Variants in NTF3 observed in about 807,000 individuals in gnomAD.
NTF3 encodes the protein neurotrophin 3.
A neutral mutation model predicts 26.3 loss-of-function variants in NTF3; 8 were observed. The observed-to-expected ratio is 0.30, with a 90% CI of 0.18 to 0.55. NTF3 has a LOEUF of 0.55. Among genes scored for constraint, NTF3 ranks in the 20% least tolerant of loss-of-function variants. NTF3 has a pLI of 0.93. For missense variants in NTF3, 276 were observed against 352.9 expected (o/e 0.78, Z 1.75); for synonymous variants, 154 against 145.5 (o/e 1.06, Z -0.42).
At chr12:5,452,240 C>T (rs1056576673) in intron 1 of NTF3, among the ~76,000 whole-genome samples, 2 of 151,936 alleles carry the variant, frequency 1.3e-5, no homozygotes, top group South Asian at 2.1e-4. Context: ...GGACTACAGG[C>T]GCCCGCCACC....
At chr12:5,451,713 C>T (rs997485409) in intron 1 of NTF3, among the ~76,000 whole-genome samples, 1 of 152,090 alleles carries the variant, frequency 6.6e-6, no homozygotes, top group Admixed American at 6.5e-5. Context: ...TTTTTAGAGA[C>T]AAGGTCTTAC....
intron 1 of NTF3, among the ~76,000 whole-genome samples, chr12:5,464,934 T>A (rs1940570902): frequency 6.6e-6 from 1 of 152,170 alleles, no homozygotes; most frequent in Non-Finnish European, 1.5e-5. Context: ...GGAAGGCAAG[T>A]CATTCACAGG....
chr12:5,486,699 T>A (rs1940869976), intron 1 of NTF3, among the ~76,000 whole-genome samples: 1 of 152,194 alleles, frequency 6.6e-6, no homozygotes, highest in Non-Finnish European at 1.5e-5. Context: ...TGAAGCAACT[T>A]CCCCTTGTGT....
At chr12:5,476,528 C>T (rs1189497716) in intron 1 of NTF3, among the ~76,000 whole-genome samples, 2 of 152,172 alleles carry the variant, frequency 1.3e-5, no homozygotes, top group African/African-American at 4.8e-5. Flanking sequence ...TGCGTGTCTG[C>T]TGGGAGAATA....
intron 1 of NTF3, among the ~76,000 whole-genome samples, chr12:5,469,087 C>T (rs1438208341): frequency 2.6e-5 from 4 of 151,846 alleles, no homozygotes; most frequent in South Asian, 2.1e-4. Flanking sequence ...TGCCATTGAA[C>T]TCCTGCCTAG....
At chr12:5,490,766 A>C (rs1940926088) in intron 1 of NTF3, among the ~76,000 whole-genome samples, 1 of 152,076 alleles carries the variant, frequency 6.6e-6, no homozygotes, top group Non-Finnish European at 1.5e-5. Flanking sequence ...TTCTCCCACA[A>C]CCAGTGTAAC....
At chr12:5,446,499 C>T (rs1361810496) in intron 1 of NTF3, among the ~76,000 whole-genome samples, 1 of 152,186 alleles carries the variant, frequency 6.6e-6, no homozygotes, top group South Asian at 2.1e-4. Context: ...GAGGCCCAAC[C>T]TGAGGACATG....
intron 1 of NTF3, among the ~76,000 whole-genome samples, chr12:5,490,710 C>T (rs923671716): frequency 3.3e-5 from 5 of 152,184 alleles, no homozygotes; most frequent in African/African-American, 9.7e-5. Flanking sequence ...TGTTTGCTTT[C>T]GTCATTTGTC....
chr12:5,470,574 C>A (rs1393203272), intron 1 of NTF3, among the ~76,000 whole-genome samples: 1 of 152,196 alleles, frequency 6.6e-6, no homozygotes, highest in Non-Finnish European at 1.5e-5. Context: ...GTCTCCCCTG[C>A]CACCTCTTCT....
intron 1 of NTF3, among the ~76,000 whole-genome samples, chr12:5,489,632 T>C (rs1940909129): frequency 1.3e-5 from 2 of 152,196 alleles, no homozygotes; most frequent in South Asian, 4.1e-4. Context: ...AGTCTAAAAA[T>C]TTACTTCACA....
chr12:5,469,788 C>T lies in NTF3; in HGVS notation c.19-24406C>T, dbSNP rs374014562. On this transcript the variant is annotated intron_variant, in intron 1 of 1. Transcript: ENST00000423158. ...TTTGGGGATAATTTTAGACTCATGG[C>T]ATCCACTGTTTTTTTAGTTACCCAC... Among the ~76,000 whole-genome samples the T allele has an allele frequency of 2.4e-4, 37 of 152,218 alleles. No homozygotes were observed. In the East Asian group the frequency reaches 4.6e-3, roughly 19 times the overall value.
In NTF3 at chr12:5,475,533, G is replaced by A. The variant is rs945686924; in HGVS notation, c.19-18661G>A. 1.2e-4 allele frequency among the ~76,000 whole-genome samples: 18 copies of A among 152,192 alleles called. No homozygotes were observed. The South Asian group carries it at 3.3e-3, about 28-fold the overall frequency. On this transcript the variant is annotated intron_variant, in intron 1 of 1. Transcript: ENST00000423158. ...GAGGAAGGAAAACCTTTATGGAGGG[G>A]TAGGTTGAAAATATGTCTGGGCCAG...
rs151060135 is a variant in NTF3 at position 5,461,580 on chromosome 12, A to G, written c.18+29238A>G. 5.5e-3 allele frequency among the ~76,000 whole-genome samples: 831 copies of G among 151,860 alleles called. 3 individuals carry two copies. Among genetic ancestry groups the G allele is most frequent in the African/African-American group, 0.018 (730 of 41,408 alleles). On this transcript the variant is annotated intron_variant, in intron 1 of 1. Transcript: ENST00000423158. ...TTTCTGCCTTTTGACCCCCAAGCCA[A>G]TCCCCATCTCCTTACCACCCTCCCG...
intron 1 of NTF3, among the ~76,000 whole-genome samples, chr12:5,465,321 G>T (rs1940576296): frequency 6.6e-6 from 1 of 152,224 alleles, no homozygotes; most frequent in Non-Finnish European, 1.5e-5. Context: ...ACACACCTTT[G>T]ATCTGGAATG....
At chr12:5,453,358 CCT>C (rs1940398927) in intron 1 of NTF3, among the ~76,000 whole-genome samples, 1 of 152,156 alleles carries the variant, frequency 6.6e-6, no homozygotes, top group African/African-American at 2.4e-5. Flanking sequence ...GTTTCCTACC[CCT>C]CCTGCCTCCC....
At chr12:5,455,815 C>A (rs1396688277) in intron 1 of NTF3, among the ~76,000 whole-genome samples, 2 of 152,170 alleles carry the variant, frequency 1.3e-5, no homozygotes, top group African/African-American at 4.8e-5. Flanking sequence ...TGGCTCTATC[C>A]TTCTTTTGGC....
intron 1 of NTF3, among the ~76,000 whole-genome samples, chr12:5,452,711 T>TG (rs1940390761): frequency 6.6e-6 from 1 of 152,206 alleles, no homozygotes; most frequent in Non-Finnish European, 1.5e-5. Flanking sequence ...AAAGGCACAC[T>TG]GGCTGGCCTG....
chr12:5,478,061 T>G (rs1940745558), intron 1 of NTF3, among the ~76,000 whole-genome samples: 1 of 152,232 alleles, frequency 6.6e-6, no homozygotes, highest in African/African-American at 2.4e-5. Context: ...TTTAAAGGTT[T>G]ACTGTGCTTT....
chr12:5,446,947 G>A (rs545017418), intron 1 of NTF3, among the ~76,000 whole-genome samples: 2 of 152,312 alleles, frequency 1.3e-5, no homozygotes, highest in South Asian at 2.1e-4. Context: ...CAGGTAGTGA[G>A]ACAACTATGA....
Sources: gnomAD v4.1 joint callset for allele counts (sites outside exome capture counted in the v4.1 genomes callset) on GRCh38, gnomAD v4.1.1 for gene constraint, MANE v1.5 for transcripts, NCBI Gene and HGNC (gene_info 2026-07-23, HGNC 2026-07-21) for gene names.